Variants in SLC24A3 observed in about 807,000 individuals in gnomAD.
The protein encoded by SLC24A3 is solute carrier family 24 member 3, also known as sodium/potassium/calcium exchanger 3.
SLC24A3 carries 28 observed loss-of-function variants against 75.8 expected under a neutral mutation model. That is an observed-to-expected ratio of 0.37 (90% CI 0.27 to 0.51). The LOEUF (loss-of-function observed/expected upper bound fraction) is 0.51. Among genes scored for constraint, SLC24A3 ranks in the 20% least tolerant of loss-of-function variants. The pLI is 0.94. For missense variants in SLC24A3, 663 were observed against 847.8 expected, an observed-to-expected ratio of 0.78 and a Z score of 2.71; for synonymous variants, 372 against 334.1, an observed-to-expected ratio of 1.11 and a Z score of -1.24.
At chr20:19,237,161 C>T (rs1333231699) in intron 1 of SLC24A3, among the ~76,000 whole-genome samples, 4 of 152,180 alleles carry the variant, frequency 2.6e-5, no homozygotes, top group Non-Finnish European at 5.9e-5. Flanking sequence ...CTCTAGGTTT[C>T]GGGAGCTGCA....
At chr20:19,714,636 C>T (rs2033025609) in intron 15 of SLC24A3, among the ~76,000 whole-genome samples, 1 of 152,048 alleles carries the variant, frequency 6.6e-6, no homozygotes, top group Non-Finnish European at 1.5e-5. Context: ...AAAATACACC[C>T]CTGGGTGTGT....
At chr20:19,247,795 G>A (rs927011640) in intron 1 of SLC24A3, among the ~76,000 whole-genome samples, 1 of 152,168 alleles carries the variant, frequency 6.6e-6, no homozygotes, top group Non-Finnish European at 1.5e-5. Flanking sequence ...CTTCTAAAAT[G>A]TGAACACTAG....
At chr20:19,539,056 T>C (rs1391117788) in intron 3 of SLC24A3, among the ~76,000 whole-genome samples, 1 of 152,174 alleles carries the variant, frequency 6.6e-6, no homozygotes, top group Non-Finnish European at 1.5e-5. Flanking sequence ...CAGGCAAAAC[T>C]AGTCAGTGGT....
At chr20:19,311,534 G>A (rs913196551) in intron 2 of SLC24A3, among the ~76,000 whole-genome samples, 1 of 152,106 alleles carries the variant, frequency 6.6e-6, no homozygotes, top group Non-Finnish European at 1.5e-5. Flanking sequence ...CTGTACTACA[G>A]GTGTGCACGT....
At chr20:19,561,377 C>T (rs6132214) in intron 3 of SLC24A3, among the ~76,000 whole-genome samples, 1 of 152,042 alleles carries the variant, frequency 6.6e-6, no homozygotes, top group Admixed American at 6.6e-5. Context: ...CTGGGGAATC[C>T]TAAATCATGT....
intron 1 of SLC24A3, among the ~76,000 whole-genome samples, chr20:19,253,783 T>G (rs1436999949): frequency 6.6e-6 from 1 of 152,152 alleles, no homozygotes; most frequent in African/African-American, 2.4e-5. Flanking sequence ...CTGGAGGAGA[T>G]GGAGAAAGGA....
intron 2 of SLC24A3, among the ~76,000 whole-genome samples, chr20:19,329,019 C>T (rs755232707): frequency 3.3e-5 from 5 of 152,090 alleles, no homozygotes; most frequent in Admixed American, 1.3e-4. Context: ...CAGTGGGTTG[C>T]AGGCTGTGGA....
At chr20:19,383,324 G>A (rs745919018) in intron 2 of SLC24A3, among the ~76,000 whole-genome samples, 2 of 152,190 alleles carry the variant, frequency 1.3e-5, no homozygotes, top group Middle Eastern at 6.8e-3. Context: ...CAGAAGAATT[G>A]CCAGAAAAGA....
At chr20:19,541,275 G>A (rs1180888149) in intron 3 of SLC24A3, among the ~76,000 whole-genome samples, 1 of 152,208 alleles carries the variant, frequency 6.6e-6, no homozygotes. Flanking sequence ...GCAGCGGGGA[G>A]ACGTCTCTGG....
intron 2 of SLC24A3, among the ~76,000 whole-genome samples, chr20:19,428,835 G>T (rs1202941500): frequency 6.6e-6 from 1 of 152,144 alleles, no homozygotes; most frequent in Non-Finnish European, 1.5e-5. Context: ...GTGTGAAGAG[G>T]CTTTATGCAA....
intron 6 of SLC24A3, among the ~76,000 whole-genome samples, chr20:19,641,441 C>T (rs1347786475): frequency 1.3e-5 from 2 of 152,202 alleles, no homozygotes; most frequent in East Asian, 1.9e-4. Context: ...TAAAACAGAT[C>T]TGCTGTATAA....
chr20:19,251,918 T>C (rs1056122038), intron 1 of SLC24A3, among the ~76,000 whole-genome samples: 4 of 152,212 alleles, frequency 2.6e-5, no homozygotes, highest in Non-Finnish European at 5.9e-5. Flanking sequence ...CTTTCTCTGA[T>C]GGTGATCAGA....
chr20:19,218,368 G>C (rs1981620960), intron 1 of SLC24A3, among the ~76,000 whole-genome samples: 1 of 152,182 alleles, frequency 6.6e-6, no homozygotes, highest in African/African-American at 2.4e-5. Flanking sequence ...GCAGTGCCTA[G>C]TGTCTGTTAA....
chr20:19,623,442 G>A (rs2031830282), intron 6 of SLC24A3, among the ~76,000 whole-genome samples: 1 of 152,192 alleles, frequency 6.6e-6, no homozygotes, highest in African/African-American at 2.4e-5. Context: ...TACCTTTCCA[G>A]TAGCTTTAGA....
At chr20:19,329,752 G>A (rs1984955766) in intron 2 of SLC24A3, among the ~76,000 whole-genome samples, 1 of 152,194 alleles carries the variant, frequency 6.6e-6, no homozygotes, top group South Asian at 2.1e-4. Flanking sequence ...AGTGACTCAG[G>A]TGAGTTAGTT....
chr20:19,705,249 C>T (rs1245455331), intron 15 of SLC24A3, among the ~76,000 whole-genome samples: 1 of 152,256 alleles, frequency 6.6e-6, no homozygotes, highest in African/African-American at 2.4e-5. Flanking sequence ...CCTTGCTGTC[C>T]TGGGCCATGG....
chr20:19,518,951 A>T (rs953258077), intron 3 of SLC24A3, among the ~76,000 whole-genome samples: 1 of 152,150 alleles, frequency 6.6e-6, no homozygotes, highest in Non-Finnish European at 1.5e-5. Flanking sequence ...AGGCTCCTGA[A>T]GATCTGGGAC....
chr20:19,634,322 C>A (rs886948548), intron 6 of SLC24A3, among the ~76,000 whole-genome samples: 2 of 152,190 alleles, frequency 1.3e-5, no homozygotes, highest in South Asian at 4.1e-4. Context: ...TGGGAGCCAG[C>A]ATCTTCTCAT....
At chr20:19,412,749 A>G (rs1463228499) in intron 2 of SLC24A3, among the ~76,000 whole-genome samples, 5 of 152,190 alleles carry the variant, frequency 3.3e-5, no homozygotes, top group African/African-American at 4.8e-5. Context: ...TATCTTTTAA[A>G]GAAAGAGAAA....
Sources: allele counts gnomAD v4.1 joint callset (sites outside exome capture counted in the v4.1 genomes callset), GRCh38; gene constraint gnomAD v4.1.1; transcripts MANE v1.5; gene names NCBI Gene and HGNC (gene_info 2026-07-23, HGNC 2026-07-21).